ME2: variants seen among roughly 807,000 people sequenced by gnomAD.
The protein encoded by ME2 is NAD-dependent malic enzyme, mitochondrial.
A neutral mutation model predicts 73.7 loss-of-function variants in ME2; 60 were observed. The ratio of observed to expected loss-of-function variants is 0.81; its 90% CI spans 0.66 to 1.01. The LOEUF (loss-of-function observed/expected upper bound fraction) is 1.01. Ranked by LOEUF, ME2 falls within the 50% of genes least tolerant of loss-of-function variation. The pLI is 0.00. For missense variants in ME2, 594 were observed against 705.5 expected (o/e 0.84, Z 1.79); for synonymous variants, 199 against 236.9 (o/e 0.84, Z 1.47).
chr18:50,897,238 C>T lies in ME2; in HGVS notation c.108+1310C>T, dbSNP rs1015820446. Among the ~76,000 whole-genome samples, 4 of 152,278 alleles carry T rather than the reference C, an allele frequency of 2.6e-5. No individual in the cohort carries two copies. In the East Asian group the frequency reaches 7.7e-4, roughly 29 times the overall value. On this transcript the variant is annotated intron_variant, in intron 2 of 15. Coordinates refer to ENST00000321341, the MANE Select transcript of ME2 (RefSeq NM_002396.5). ...CTTTTGGGCAGGGACCATTCAAATA[C>T]TTCTGTGTATCTTTTACAGTGCTAT...
At chr18:50,885,122 CT>C (rs1408285029) in intron 1 of ME2, among the ~76,000 whole-genome samples, 7 of 152,194 alleles carry the variant, frequency 4.6e-5, no homozygotes, top group Admixed American at 4.6e-4. Context: ...TCCCAAAGTG[CT>C]GGGATTTCAG....
At chr18:50,898,837 C>G (rs1369115977) in intron 2 of ME2, among the ~76,000 whole-genome samples, 1 of 152,178 alleles carries the variant, frequency 6.6e-6, no homozygotes, top group Non-Finnish European at 1.5e-5. Flanking sequence ...GAAACTTTGG[C>G]AAACCCTTCA....
intron 2 of ME2, among the ~76,000 whole-genome samples, chr18:50,905,486 A>G (rs1385777383): frequency 6.6e-6 from 1 of 152,208 alleles, no homozygotes; most frequent in Non-Finnish European, 1.5e-5. Context: ...TCTGAGCCAA[A>G]TATGAGTGAC....
intron 1 of ME2, among the ~76,000 whole-genome samples, chr18:50,885,357 A>G (rs1191180197): frequency 6.6e-6 from 1 of 152,104 alleles, no homozygotes; most frequent in African/African-American, 2.4e-5. Flanking sequence ...CCAGCTGTAC[A>G]AAATATTAAA....
chr18:50,913,144 T>C, intron 4 of ME2, 194 bp downstream of exon 4: 1 of 415,554 alleles, frequency 2.4e-6, no homozygotes, highest in Non-Finnish European at 4.2e-6. Flanking sequence ...AAAAATAGCA[T>C]AATTCATTTC....
chr18:50,913,845 T>A (rs2144226545), intron 4 of ME2, among the ~76,000 whole-genome samples: 1 of 80,510 alleles, frequency 1.2e-5, no homozygotes, highest in East Asian at 4.2e-4. Context: ...CTTTGGAAAA[T>A]TATCAGCAAT....
intron 10 of ME2, among the ~76,000 whole-genome samples, chr18:50,922,827 G>T (rs1189994226): frequency 1.3e-5 from 2 of 152,112 alleles, no homozygotes; most frequent in African/African-American, 4.8e-5. Flanking sequence ...GTCACTGTTT[G>T]CTCAGCCTGG....
chr18:50,911,333 ATT>A (rs1228208587), intron 3 of ME2, among the ~76,000 whole-genome samples: 6 of 152,236 alleles, frequency 3.9e-5, no homozygotes, highest in African/African-American at 2.4e-5. Context: ...AGAAAATAAA[ATT>A]GAAGGGATCA....
chr18:50,910,661 A>T (rs1917134053), intron 3 of ME2, among the ~76,000 whole-genome samples: 1 of 152,148 alleles, frequency 6.6e-6, no homozygotes, highest in Non-Finnish European at 1.5e-5. Context: ...AATATTCAGG[A>T]CTGCTAATGT....
chr18:50,888,923 G>T (rs899671784), intron 1 of ME2, among the ~76,000 whole-genome samples: 2 of 151,924 alleles, frequency 1.3e-5, no homozygotes, highest in African/African-American at 4.8e-5. Flanking sequence ...TTCAGGGTAC[G>T]TGTGATAATT....
rs1918158904 is a variant in ME2, at chr18:50,948,914, T to C, written c.*1730T>C. On this transcript the variant is annotated 3_prime_UTR_variant, in exon 16 of 16. Coordinates refer to ENST00000321341, the MANE Select transcript of ME2 (RefSeq NM_002396.5). ...CAGTCTGGAGTGTAGTGGCATGATC[T>C]CTGCAACCTCTGCCTCCTCGGTTCA... 4 of 143,454 alleles carry C rather than the reference T, an allele frequency of 2.8e-5. No individual in the cohort carries two copies. Among genetic ancestry groups the C allele is most frequent in the African/African-American group, 1.0e-4 (4 of 38,380 alleles). The allele number at this position is 143,454 out of a possible 1,614,324, so 8.9% of individuals were successfully genotyped here.
chr18:50,936,590 T>C (rs1422887216), intron 13 of ME2, among the ~76,000 whole-genome samples: 2 of 152,176 alleles, frequency 1.3e-5, no homozygotes, highest in Non-Finnish European at 2.9e-5. Flanking sequence ...AGTTAAGCTG[T>C]TATGTGGGAC....
intron 1 of ME2, among the ~76,000 whole-genome samples, chr18:50,883,325 C>A (rs2665561): frequency 0.5 from 75,613 of 152,036 alleles, 19,572 homozygotes; most frequent in South Asian, 0.68. Flanking sequence ...TTTTGGTCTC[C>A]TGTGAACAGT....
intron 2 of ME2, among the ~76,000 whole-genome samples, chr18:50,898,606 A>G (rs981110107): frequency 6.6e-6 from 1 of 151,680 alleles, no homozygotes; most frequent in Admixed American, 6.6e-5. Flanking sequence ...TACTTTTTGT[A>G]TTTTTTTGTA....
chr18:50,914,187 T>C (rs1369077828), intron 4 of ME2, among the ~76,000 whole-genome samples: 1 of 152,218 alleles, frequency 6.6e-6, no homozygotes, highest in Admixed American at 6.5e-5. Context: ...TCAGTGATTG[T>C]GTTGCAGGTG....
At chr18:50,923,399 ATC>A (rs577178455) in intron 10 of ME2, among the ~76,000 whole-genome samples, 13 of 152,272 alleles carry the variant, frequency 8.5e-5, no homozygotes, top group Non-Finnish European at 1.6e-4. Flanking sequence ...GTTGTGGAGT[ATC>A]TGTTGGGAGG....
At chr18:50,889,680 G>C (rs1916560733) in intron 1 of ME2, among the ~76,000 whole-genome samples, 1 of 152,182 alleles carries the variant, frequency 6.6e-6, no homozygotes, top group Non-Finnish European at 1.5e-5. Flanking sequence ...TTTAACATTA[G>C]AATTATGACT....
At chr18:50,903,441 A>G (rs889853448) in intron 2 of ME2, among the ~76,000 whole-genome samples, 5 of 152,130 alleles carry the variant, frequency 3.3e-5, no homozygotes, top group Non-Finnish European at 7.4e-5. Flanking sequence ...TTTGGCAATA[A>G]GGATAGGCAA....
At chr18:50,923,320 CA>C (rs35028652) in intron 10 of ME2, among the ~76,000 whole-genome samples, 1 of 152,136 alleles carries the variant, frequency 6.6e-6, no homozygotes, top group Non-Finnish European at 1.5e-5. Context: ...AAACCTGACT[CA>C]AACTAATAAG....
Sources: gnomAD v4.1 joint callset for allele counts (sites outside exome capture counted in the v4.1 genomes callset) on GRCh38, gnomAD v4.1.1 for gene constraint, MANE v1.5 for transcripts, NCBI Gene and HGNC (gene_info 2026-07-23, HGNC 2026-07-21) for gene names.